PCSK5: variants seen among roughly 807,000 people sequenced by gnomAD.
PCSK5 encodes the protein prohormone convertase 5.
Under a neutral mutation model 233.2 loss-of-function variants are expected in PCSK5, and 129 were observed. That is an observed-to-expected ratio of 0.55 (90% CI 0.48 to 0.64). PCSK5 has a LOEUF of 0.64. PCSK5 is among the 30% of genes least tolerant of loss of function. The pLI is 0.00. For synonymous variants in PCSK5, 825 were observed against 879.2 expected, an observed-to-expected ratio of 0.94 and a Z score of 1.09; for missense variants, 2,076 against 2,430.1, an observed-to-expected ratio of 0.85 and a Z score of 3.06.
chr9:75,943,641 C>T (rs1824422599), intron 2 of PCSK5, among the ~76,000 whole-genome samples: 1 of 152,148 alleles, frequency 6.6e-6, no homozygotes, highest in African/African-American at 2.4e-5. Context: ...TATTGTAGTT[C>T]CTACTGTCAT....
At chr9:76,350,021 A>G (rs887333428) in intron 35 of PCSK5, among the ~76,000 whole-genome samples, 1 of 151,940 alleles carries the variant, frequency 6.6e-6, no homozygotes, top group Admixed American at 6.6e-5. Flanking sequence ...GCATGCCTCT[A>G]TAATCCCAGC....
intron 24 of PCSK5, among the ~76,000 whole-genome samples, chr9:76,263,172 T>C (rs1029834694): frequency 2.6e-5 from 4 of 152,190 alleles, no homozygotes; most frequent in African/African-American, 9.6e-5. Context: ...ACTTTTACAC[T>C]GTTGGTGGGA....
At chr9:76,093,457 A>G (rs973638004) in intron 7 of PCSK5, among the ~76,000 whole-genome samples, 1 of 152,060 alleles carries the variant, frequency 6.6e-6, no homozygotes, top group Admixed American at 6.5e-5. Flanking sequence ...TTGTAACTAC[A>G]TTATCACAAA....
At chr9:76,317,217 G>T (rs1370151210) in intron 30 of PCSK5, among the ~76,000 whole-genome samples, 1 of 152,056 alleles carries the variant, frequency 6.6e-6, no homozygotes, top group Admixed American at 6.6e-5. Context: ...ACAAAAATTA[G>T]CCAGGCATGG....
chr9:76,253,307 A>G (rs1826872997), intron 24 of PCSK5, among the ~76,000 whole-genome samples: 1 of 151,996 alleles, frequency 6.6e-6, no homozygotes, highest in African/African-American at 2.4e-5. Flanking sequence ...TAGAATATAA[A>G]TGCAATGTCA....
At chr9:76,070,157 C>T (rs769485737) in intron 6 of PCSK5, among the ~76,000 whole-genome samples, 136 of 152,004 alleles carry the variant, frequency 8.9e-4, no homozygotes, top group Non-Finnish European at 1.8e-3. Context: ...CCCACCACTG[C>T]GCCCGGCTAA....
chr9:76,225,768 G>A (rs892240405), intron 20 of PCSK5, among the ~76,000 whole-genome samples: 4 of 152,172 alleles, frequency 2.6e-5, no homozygotes, highest in Non-Finnish European at 5.9e-5. Flanking sequence ...CAGGGCTACT[G>A]GTTACCAAGA....
At chr9:75,960,341 C>A (rs1016543098) in intron 2 of PCSK5, among the ~76,000 whole-genome samples, 8 of 152,044 alleles carry the variant, frequency 5.3e-5, no homozygotes, top group African/African-American at 1.9e-4. Context: ...TTTGAAACAA[C>A]CAGAGGTCAG....
intron 2 of PCSK5, among the ~76,000 whole-genome samples, chr9:75,984,186 G>A (rs535367666): frequency 6.0e-4 from 92 of 152,256 alleles, no homozygotes; most frequent in South Asian, 1.7e-3. Context: ...GTTCATCTAG[G>A]AAAATGGCTG....
chr9:75,971,380 G>A (rs554153071), intron 2 of PCSK5, among the ~76,000 whole-genome samples: 3 of 152,108 alleles, frequency 2.0e-5, no homozygotes, highest in Admixed American at 2.0e-4. Context: ...TGTGAATAGT[G>A]CTGCAGTGAA....
intron 24 of PCSK5, among the ~76,000 whole-genome samples, chr9:76,262,805 C>T: frequency 6.6e-6 from 1 of 150,770 alleles, no homozygotes; most frequent in Non-Finnish European, 1.5e-5. Flanking sequence ...AGAGCTTCTG[C>T]ACAGCAAAAG....
At chr9:76,227,310 C>T (rs970436630) in intron 20 of PCSK5, among the ~76,000 whole-genome samples, 193 bp from the exon 21 acceptor site, 1 of 152,120 alleles carries the variant, frequency 6.6e-6, no homozygotes, top group African/African-American at 2.4e-5. Flanking sequence ...ACTTCTGGAG[C>T]CCCCGGGAGA....
intron 10 of PCSK5, among the ~76,000 whole-genome samples, chr9:76,140,203 A>G (rs938385237): frequency 3.9e-5 from 6 of 152,074 alleles, no homozygotes; most frequent in African/African-American, 1.2e-4. Context: ...TGGTTGCACT[A>G]TTTACCTGTT....
At chr9:76,030,270 G>GT (rs1211045264) in intron 5 of PCSK5, among the ~76,000 whole-genome samples, 1 of 152,008 alleles carries the variant, frequency 6.6e-6, no homozygotes, top group Non-Finnish European at 1.5e-5. Context: ...GTCCTGAAAG[G>GT]TTTTTTTCCC....
chr9:76,207,272 A>T (rs996134921), intron 20 of PCSK5, among the ~76,000 whole-genome samples: 3 of 152,182 alleles, frequency 2.0e-5, no homozygotes, highest in African/African-American at 7.2e-5. Flanking sequence ...GAGGACTTGG[A>T]TATCTTTGGA....
At chr9:76,338,176 T>C in intron 34 of PCSK5, 54 bp from the exon 35 acceptor site, 1 of 1,329,220 alleles carries the variant, frequency 7.5e-7, no homozygotes, top group South Asian at 1.2e-5. Context: ...TTCCACTGCA[T>C]CCAATTTAGG....
chr9:75,943,601 G>A (rs1177137023), intron 2 of PCSK5, among the ~76,000 whole-genome samples: 1 of 152,090 alleles, frequency 6.6e-6, no homozygotes, highest in African/African-American at 2.4e-5. Context: ...TACAAAAGGA[G>A]GCAATAAGAC....
chr9:76,180,345 A>G (rs1823807826), intron 15 of PCSK5, among the ~76,000 whole-genome samples: 1 of 151,972 alleles, frequency 6.6e-6, no homozygotes, highest in Non-Finnish European at 1.5e-5. Context: ...CACCCCACTG[A>G]TGTTTGATTT....
chr9:76,043,216 G>A (rs1829203179), intron 5 of PCSK5, among the ~76,000 whole-genome samples: 1 of 151,712 alleles, frequency 6.6e-6, no homozygotes, highest in Non-Finnish European at 1.5e-5. Flanking sequence ...GTGGTGGCGG[G>A]CGCCTGTAGT....
Sources: allele counts gnomAD v4.1 joint callset (sites outside exome capture counted in the v4.1 genomes callset), GRCh38; gene constraint gnomAD v4.1.1; transcripts MANE v1.5; gene names NCBI Gene and HGNC (gene_info 2026-07-23, HGNC 2026-07-21).